Variants in NFYB observed in about 807,000 individuals in gnomAD.
NFYB encodes nuclear transcription factor Y subunit beta, also known as CAAT box DNA-binding protein subunit B.
NFYB carries 13 observed loss-of-function variants against 28.0 expected under a neutral mutation model. The observed-to-expected ratio is 0.46, with a 90% confidence interval of 0.30 to 0.74. NFYB has a LOEUF of 0.74. Among genes scored for constraint, NFYB ranks in the 30% least tolerant of loss-of-function variants. The pLI, the probability that NFYB is intolerant of heterozygous loss-of-function variation, is 0.07. For synonymous variants in NFYB, 74 were observed against 75.0 expected, an observed-to-expected ratio of 0.99 and a Z score of 0.07; for missense variants, 142 against 247.6, an observed-to-expected ratio of 0.57 and a Z score of 2.86.
chr12:104,135,477 T>G lies in NFYB; in HGVS notation c.-24A>C, dbSNP rs778538374. 6.3e-7 allele frequency: 1 copy of G among 1,579,486 alleles called. No individual in the cohort carries two copies. The highest frequency in any genetic ancestry group is 2.4e-5 in the East Asian group (1 of 42,308). The stretch of plus-strand genomic sequence containing the variant: ...ATGAAATACTGTCAGAACCGTGTTG[T>G]CAGTGGTGCTGAAGAACACCTATCT... On this transcript the variant is annotated 5_prime_UTR_variant, in exon 2 of 8. Transcript: ENST00000240055.
chr12:104,122,039 C>T (rs781393827), intron 5 of NFYB, among the ~76,000 whole-genome samples: 8 of 152,172 alleles, frequency 5.3e-5, no homozygotes, highest in Non-Finnish European at 1.2e-4. Flanking sequence ...AATAATAAGA[C>T]ATATGATTAT....
intron 2 of NFYB, among the ~76,000 whole-genome samples, chr12:104,130,369 A>G (rs2030878554): frequency 6.6e-6 from 1 of 152,210 alleles, no homozygotes. Context: ...CAGGTCTTCA[A>G]TAACACGGCA....
At chr12:104,127,199 T>C (rs1216415852) in intron 3 of NFYB, among the ~76,000 whole-genome samples, 1 of 152,194 alleles carries the variant, frequency 6.6e-6, no homozygotes, top group African/African-American at 2.4e-5. Context: ...TCAGAATTAA[T>C]TTATTTGAAT....
At chr12:104,121,113 C>T in intron 6 of NFYB, 127 bp downstream of exon 6, 1 of 732,110 alleles carries the variant, frequency 1.4e-6, no homozygotes, top group Non-Finnish European at 2.3e-6. Flanking sequence ...AGGGCATGAA[C>T]TGATAAGAAC....
chr12:104,119,746 C>A lies in NFYB; in HGVS notation c.615G>T (p.Gln205His). The A allele has an allele frequency of 6.2e-7, 1 of 1,603,204 alleles. No homozygotes were observed. Among genetic ancestry groups the A allele is most frequent in the South Asian group, 1.1e-5 (1 of 90,458 alleles). Reference protein sequence around the residue: ...YQQISGVQQIQFS With the variant: ...YQQISGVQQIHFS ...CCATCATTTCTTCAGATCATGAAAA[C>A]TGAATTTGCTGAACACCAGAAATCT... is the stretch of plus-strand genomic sequence containing the variant. The change falls in exon 8 of 8, where the codon CAG becomes CAT. Residue 205 changes from glutamine (Q) to histidine (H), a missense_variant. By Grantham distance (24) the Gln-to-His change is conservative. This residue lies in a region of NFYB where 88 missense variants were observed against 189.5 expected (regional missense o/e 0.46). Transcript: ENST00000240055.
chr12:104,129,045 T>A (rs927995024), intron 2 of NFYB, among the ~76,000 whole-genome samples: 1 of 152,238 alleles, frequency 6.6e-6, no homozygotes, highest in Admixed American at 6.5e-5. Flanking sequence ...ATAAGTGATA[T>A]AAGCATAAGG....
At chr12:104,133,209 G>A (rs2030987139) in intron 2 of NFYB, among the ~76,000 whole-genome samples, 1 of 152,164 alleles carries the variant, frequency 6.6e-6, no homozygotes. Flanking sequence ...AGAAAACTGA[G>A]GTACATGAGG....
chr12:104,119,997 CCTT>C (rs375740519), intron 7 of NFYB, among the ~76,000 whole-genome samples: 169 of 152,012 alleles, frequency 1.1e-3, no homozygotes, highest in African/African-American at 3.9e-3. Flanking sequence ...ATTTTAATAA[CCTT>C]CTTTATCAGG....
intron 2 of NFYB, chr12:104,131,965 G>A (rs1339137865): frequency 2.1e-5 from 7 of 338,712 alleles, no homozygotes; most frequent in Non-Finnish European, 3.5e-5. Context: ...AACTGGATGA[G>A]AACAAGACTT....
chr12:104,126,088 C>A, intron 4 of NFYB, 26 bp downstream of exon 4: 1 of 1,546,746 alleles, frequency 6.5e-7, no homozygotes, highest in South Asian at 1.3e-5. Context: ...TTGAAAAAAC[C>A]TAGTTAAATT....
At chr12:104,131,608 T>C (rs988342654) in intron 2 of NFYB, 32 of 386,156 alleles carry the variant, frequency 8.3e-5, no homozygotes, top group South Asian at 5.8e-4. Flanking sequence ...TTCGCCTATA[T>C]ATAAGAATGA....
chr12:104,127,583 TAA>T (rs71069718), intron 3 of NFYB, among the ~76,000 whole-genome samples: 116 of 82,512 alleles, frequency 1.4e-3, no homozygotes, highest in African/African-American at 4.9e-3. Flanking sequence ...AAATAAAAAA[TAA>T]AAAAAAAAAA....
chr12:104,119,620 T>G lies in NFYB; in HGVS notation c.*117A>C, dbSNP rs1351568413. 1.6e-6 allele frequency: 1 copy of G among 634,346 alleles called. No individual in the cohort carries two copies. Among genetic ancestry groups the G allele is most frequent in the African/African-American group, 1.8e-5 (1 of 55,122 alleles). The allele number at this position is 634,346 out of a possible 1,614,324, so 39.3% of individuals were successfully genotyped here. A position where few individuals can be genotyped will look rare whatever the true frequency, so the allele number is the denominator to read the frequency against. On this transcript the variant is annotated 3_prime_UTR_variant, in exon 8 of 8. Transcript: ENST00000240055. ...TTAGTCAAGCATCAGGAAGCTACAT[T>G]ACAGCTATTAATATACAAAGATACA... is the stretch of plus-strand genomic sequence containing the variant.
intron 2 of NFYB, among the ~76,000 whole-genome samples, chr12:104,130,557 A>G (rs1448752695): frequency 1.3e-5 from 2 of 152,230 alleles, no homozygotes; most frequent in East Asian, 3.8e-4. Context: ...TAAACAACAA[A>G]GTCAGTGACC....
At chr12:104,134,386 C>A (rs1001428332) in intron 2 of NFYB, among the ~76,000 whole-genome samples, 1 of 152,172 alleles carries the variant, frequency 6.6e-6, no homozygotes, top group African/African-American at 2.4e-5. Flanking sequence ...CTTTCCACTA[C>A]TGTAATTCTA....
At chr12:104,126,397 C>G (rs2030715923) in intron 3 of NFYB, among the ~76,000 whole-genome samples, 153 bp from the exon 4 acceptor site, 1 of 152,146 alleles carries the variant, frequency 6.6e-6, no homozygotes, top group Non-Finnish European at 1.5e-5. Flanking sequence ...ATAATTTTTA[C>G]AGAGCCAGAA....
chr12:104,126,091 G>C (rs373373029), intron 4 of NFYB, 23 bp downstream of exon 4: 22 of 1,553,520 alleles, frequency 1.4e-5, no homozygotes, highest in Non-Finnish European at 1.9e-5. Flanking sequence ...AAAAAACCTA[G>C]TTAAATTTCT....
Position 104,120,498 on chromosome 12 carries a change from G to A in NFYB, c.512-19C>T, listed in dbSNP as rs1229869152. 1.5e-5 allele frequency: 23 copies of A among 1,570,460 alleles called. No homozygotes were observed. Among genetic ancestry groups the A allele is most frequent in the Non-Finnish European group, 1.9e-5 (22 of 1,140,626 alleles). On this transcript the variant is annotated intron_variant, in intron 6 of 7. Transcript: ENST00000240055. ...TGGTTAGCTAAAAGAAAAAAAATTAGTTAAAGAGGGAAATGAACTATATCT... is the reference window on the plus strand; with the variant it reads ...TGGTTAGCTAAAAGAAAAAAAATTAATTAAAGAGGGAAATGAACTATATCT...
chr12:104,117,915 C>G lies in NFYB; in HGVS notation c.*1822G>C, dbSNP rs1255432628. 6.6e-6 allele frequency: 1 copy of G among 152,098 alleles called. No individual in the cohort carries two copies. The highest frequency in any genetic ancestry group is 1.5e-5 in the Non-Finnish European group (1 of 68,026). 9.4% of individuals were successfully genotyped at this position (152,098 alleles called of 1,614,324 possible). On this transcript the variant is annotated 3_prime_UTR_variant, in exon 8 of 8. Coordinates refer to ENST00000240055, the MANE Select transcript of NFYB (RefSeq NM_006166.4). ...AAATTTTGCATATTTGGTAACCCAG[C>G]AATTCAAAGAATTTAAGAAAACAGT...
Sources: allele counts gnomAD v4.1 joint callset (sites outside exome capture counted in the v4.1 genomes callset), GRCh38; gene constraint gnomAD v4.1.1; regional missense constraint gnomAD v4.1.1; transcripts MANE v1.5; gene names NCBI Gene and HGNC (gene_info 2026-07-23, HGNC 2026-07-21).